The following CDYL2 variants were observed in gnomAD, a reference collection of about 807,000 sequenced individuals.
CDYL2 encodes chromodomain Y-like protein 2.
A neutral mutation model predicts 49.4 loss-of-function variants in CDYL2; 23 were observed. The ratio of observed to expected loss-of-function variants is 0.47; its 90% CI spans 0.34 to 0.66. The LOEUF is 0.66. CDYL2 is among the 30% of genes least tolerant of loss of function. The pLI is 0.01. For missense variants in CDYL2, 678 were observed against 656.4 expected (o/e 1.03, Z -0.36); for synonymous variants, 360 against 268.8 (o/e 1.34, Z -3.32).
chr16:80,606,560 T>A (rs1906343001), intron 6 of CDYL2, among the ~76,000 whole-genome samples: 1 of 152,168 alleles, frequency 6.6e-6, no homozygotes, highest in Non-Finnish European at 1.5e-5. Flanking sequence ...GTGCCCTCAC[T>A]CTTGCCACTT....
intron 1 of CDYL2, among the ~76,000 whole-genome samples, chr16:80,768,440 T>C (rs1044621480): frequency 3.9e-5 from 6 of 152,194 alleles, no homozygotes; most frequent in African/African-American, 1.2e-4. Context: ...ATGTAAACAA[T>C]AGGAATTTAT....
intron 2 of CDYL2, among the ~76,000 whole-genome samples, chr16:80,657,437 G>A (rs915515051): frequency 7.9e-5 from 12 of 151,950 alleles, no homozygotes; most frequent in African/African-American, 2.9e-4. Flanking sequence ...AAGATAAGAA[G>A]ACCAAAAATT....
intron 1 of CDYL2, among the ~76,000 whole-genome samples, chr16:80,715,715 G>T (rs769197630): frequency 6.6e-6 from 1 of 151,974 alleles, no homozygotes; most frequent in East Asian, 1.9e-4. Flanking sequence ...CCCTTAAAAT[G>T]GTGTATAAGC....
At chr16:80,611,473 G>T (rs1906592163) in intron 5 of CDYL2, among the ~76,000 whole-genome samples, 1 of 152,142 alleles carries the variant, frequency 6.6e-6, no homozygotes, top group Admixed American at 6.5e-5. Context: ...GCCGTCAAAG[G>T]AAGCCCAGAC....
chr16:80,702,561 G>A (rs1417949124), intron 1 of CDYL2, among the ~76,000 whole-genome samples: 1 of 152,042 alleles, frequency 6.6e-6, no homozygotes, highest in African/African-American at 2.4e-5. Flanking sequence ...ACCATCCTGC[G>A]CAACAGAGTG....
chr16:80,679,334 C>T (rs1431413631), intron 2 of CDYL2, among the ~76,000 whole-genome samples: 1 of 152,042 alleles, frequency 6.6e-6, no homozygotes, highest in Non-Finnish European at 1.5e-5. Context: ...CCTGTACCAC[C>T]AAGCACTCCT....
intron 1 of CDYL2, among the ~76,000 whole-genome samples, chr16:80,752,806 T>A (rs957117047): frequency 5.9e-5 from 9 of 152,186 alleles, no homozygotes; most frequent in Admixed American, 5.2e-4. Context: ...CAGTGTGACA[T>A]CACTGAATGT....
chr16:80,634,474 C>T (rs1907725132), intron 2 of CDYL2, among the ~76,000 whole-genome samples: 2 of 152,102 alleles, frequency 1.3e-5, no homozygotes, highest in African/African-American at 4.8e-5. Flanking sequence ...GGGCGGGGAA[C>T]ATCACACACC....
chr16:80,727,838 G>C (rs923834105), intron 1 of CDYL2, among the ~76,000 whole-genome samples: 3 of 152,176 alleles, frequency 2.0e-5, no homozygotes, highest in Admixed American at 6.5e-5. Flanking sequence ...AGCAGGGGCA[G>C]ACTAACACCT....
intron 1 of CDYL2, among the ~76,000 whole-genome samples, chr16:80,767,759 G>A (rs902847247): frequency 7.2e-5 from 11 of 152,160 alleles, no homozygotes; most frequent in Non-Finnish European, 2.9e-5. Flanking sequence ...TAGTCATTCT[G>A]CCAATATTCA....
intron 1 of CDYL2, among the ~76,000 whole-genome samples, chr16:80,694,805 G>A (rs1275602417): frequency 6.6e-6 from 1 of 152,048 alleles, no homozygotes; most frequent in Non-Finnish European, 1.5e-5. Flanking sequence ...CTAGGGCTGG[G>A]ACAGAAAACA....
At chr16:80,757,881 A>G (rs1449626601) in intron 1 of CDYL2, among the ~76,000 whole-genome samples, 2 of 152,136 alleles carry the variant, frequency 1.3e-5, no homozygotes, top group Non-Finnish European at 2.9e-5. Context: ...AATAAATACC[A>G]TTCTGATCCC....
intron 2 of CDYL2, among the ~76,000 whole-genome samples, chr16:80,678,360 C>T (rs1408198333): frequency 1.3e-5 from 2 of 152,126 alleles, no homozygotes; most frequent in African/African-American, 4.8e-5. Flanking sequence ...GCAACCTACT[C>T]ATCTGACAAA....
chr16:80,801,505 G>T (rs180701002), intron 1 of CDYL2, among the ~76,000 whole-genome samples: 100 of 152,290 alleles, frequency 6.6e-4, no homozygotes, highest in African/African-American at 2.3e-3. Context: ...CACCATAAAG[G>T]CTCAAAGATA....
intron 1 of CDYL2, among the ~76,000 whole-genome samples, chr16:80,692,335 G>C (rs1910449864): frequency 1.3e-5 from 2 of 152,180 alleles, no homozygotes; most frequent in African/African-American, 2.4e-5. Context: ...TTATGTTCCA[G>C]AACACCTGTT....
At chr16:80,789,287 A>T (rs888485279) in intron 1 of CDYL2, among the ~76,000 whole-genome samples, 3 of 152,176 alleles carry the variant, frequency 2.0e-5, no homozygotes, top group African/African-American at 7.2e-5. Flanking sequence ...TACCCAAAGG[A>T]AAAGAAATCA....
chr16:80,773,712 G>T (rs1453498447), intron 1 of CDYL2, among the ~76,000 whole-genome samples: 1 of 152,014 alleles, frequency 6.6e-6, no homozygotes, highest in African/African-American at 2.4e-5. Flanking sequence ...GAAACTAGAA[G>T]TGTTTTAAAC....
At chr16:80,793,389 A>G (rs1228641477) in intron 1 of CDYL2, among the ~76,000 whole-genome samples, 1 of 152,214 alleles carries the variant, frequency 6.6e-6, no homozygotes, top group African/African-American at 2.4e-5. Flanking sequence ...TAATAAATCT[A>G]TACAAGGTCT....
intron 1 of CDYL2, among the ~76,000 whole-genome samples, chr16:80,722,875 T>C (rs980611802): frequency 2.0e-5 from 3 of 152,100 alleles, no homozygotes; most frequent in Non-Finnish European, 2.9e-5. Context: ...AAGGGTTGAG[T>C]TCACAGGAGG....
Sources: gnomAD v4.1 joint callset for allele counts (sites outside exome capture counted in the v4.1 genomes callset) on GRCh38, gnomAD v4.1.1 for gene constraint, MANE v1.5 for transcripts, NCBI Gene and HGNC (gene_info 2026-07-23, HGNC 2026-07-21) for gene names.